Variants in TPH1 observed in about 807,000 individuals in gnomAD.
TPH1 encodes tryptophan 5-hydroxylase 1.
In TPH1, 37 loss-of-function variants were observed where a neutral mutation model predicts 49.5. The ratio of observed to expected loss-of-function variants is 0.75; its 90% CI spans 0.58 to 0.98. TPH1 has a LOEUF of 0.98. Among genes scored for constraint, TPH1 ranks in the 50% least tolerant of loss-of-function variants. TPH1 has a pLI of 0.00. For missense variants in TPH1, 487 were observed against 523.6 expected, an observed-to-expected ratio of 0.93 and a Z score of 0.68; for synonymous variants, 160 against 182.1, an observed-to-expected ratio of 0.88 and a Z score of 0.98.
chr11:18,020,017 G>C lies in TPH1; in HGVS notation c.*974C>G, dbSNP rs774209888. 4.2e-6 allele frequency: 1 copy of C among 236,690 alleles called. No individual in the cohort carries two copies. The highest frequency in any genetic ancestry group is 2.3e-5 in the African/African-American group (1 of 43,256). The allele number at this position is 236,690 out of a possible 1,614,324, so 14.7% of individuals were successfully genotyped here. A position where few individuals can be genotyped will look rare whatever the true frequency, so the allele number is the denominator to read the frequency against. On this transcript the variant is annotated 3_prime_UTR_variant, in exon 11 of 11. Transcript: ENST00000682019. Reference sequence around the variant, plus strand: ...TTATACCTTAGAAATAAAGTACTCAGCACTGTTTTTTCTATCTTTTACTTT... The same window carrying C: ...TTATACCTTAGAAATAAAGTACTCACCACTGTTTTTTCTATCTTTTACTTT...
In TPH1 at chr11:18,018,122, G is replaced by A. The variant is rs1434692771; in HGVS notation, c.*2869C>T. On this transcript the variant is annotated 3_prime_UTR_variant, in exon 11 of 11. Transcript: ENST00000682019. ...CACGCCTGCAGTCCCAGGTTGCAGC[G>A]AGCTGAAATCACGCAACTGCGCTCC... 3.3e-5 allele frequency: 5 copies of A among 151,684 alleles called. No individual in the cohort carries two copies. The highest frequency in any genetic ancestry group is 5.9e-5 in the Non-Finnish European group (4 of 67,968). 9.4% of individuals were successfully genotyped at this position (151,684 alleles called of 1,614,324 possible).
intron 6 of TPH1, among the ~76,000 whole-genome samples, chr11:18,027,413 A>G (rs1238066222): frequency 1.3e-5 from 2 of 152,248 alleles, no homozygotes; most frequent in Non-Finnish European, 2.9e-5. Context: ...ACTACTAGCC[A>G]CATGTAGCCA....
chr11:18,023,169 T>C (rs1480990504), intron 9 of TPH1: 5 of 491,058 alleles, frequency 1.0e-5, no homozygotes, highest in Non-Finnish European at 1.8e-5. Flanking sequence ...CCTCTCTTCT[T>C]TGTGTAAAAG....
At chr11:18,029,437 C>A in intron 5 of TPH1, 75 bp downstream of exon 5, 1 of 1,554,202 alleles carries the variant, frequency 6.4e-7, no homozygotes. Context: ...TTTCTACTTA[C>A]CAAATGAACA....
intron 1 of TPH1, among the ~76,000 whole-genome samples, chr11:18,045,018 C>T (rs1046286262): frequency 6.6e-6 from 1 of 152,212 alleles, no homozygotes; most frequent in Non-Finnish European, 1.5e-5. Context: ...AGAAGATCAA[C>T]AGACCCGACC....
chr11:18,025,483 T>G, intron 8 of TPH1, 92 bp downstream of exon 8: 1 of 1,582,312 alleles, frequency 6.3e-7, no homozygotes, highest in Admixed American at 1.7e-5. Flanking sequence ...AGACAAATTT[T>G]CTAATGGTCA....
intron 6 of TPH1, 36 bp downstream of exon 6, chr11:18,029,129 A>G (rs748683968): frequency 1.5e-6 from 2 of 1,310,482 alleles, no homozygotes; most frequent in South Asian, 2.4e-5. Context: ...AACAGAGTTC[A>G]GCAACTCCCT....
intron 2 of TPH1, among the ~76,000 whole-genome samples, chr11:18,037,854 A>C (rs1379158292): frequency 6.6e-6 from 1 of 152,234 alleles, no homozygotes; most frequent in African/African-American, 2.4e-5. Flanking sequence ...GGCCAGAAGC[A>C]CACAGGTGAC....
intron 1 of TPH1, among the ~76,000 whole-genome samples, chr11:18,044,417 G>A (rs913735762): frequency 4.0e-5 from 6 of 151,796 alleles, no homozygotes; most frequent in Non-Finnish European, 7.4e-5. Context: ...GCAAGACTGC[G>A]TCTCAAAAAA....
Position 18,026,507 on chromosome 11 carries a change from G to A in TPH1, c.786C>T (p.Pro262=), listed in dbSNP as rs766209804. ...GTACTTACGGCTCTGGGGTATAGAA[G>A]GGATCTGAACTGTGTCTCACATATT... ...CTQYVRHSSD[P]FYTPEPDTCH... Residue 262 remains proline, a synonymous_variant, in exon 7 of 11, where the codon CCC becomes CCT. Transcript: ENST00000682019. The A allele has an allele frequency of 1.1e-5, 18 of 1,613,316 alleles. No homozygotes were observed. Among genetic ancestry groups the A allele is most frequent in the Admixed American group, 1.7e-5 (1 of 59,932 alleles).
chr11:18,023,096 CA>C, intron 9 of TPH1, 165 bp from the exon 10 acceptor site: 185 of 704,494 alleles, frequency 2.6e-4, no homozygotes, highest in Non-Finnish European at 3.1e-4. Flanking sequence ...TACACTCCAG[CA>C]AAAAAAATGG....
chr11:18,033,208 G>A (rs534473577), intron 4 of TPH1, 66 bp downstream of exon 4: 41 of 1,225,194 alleles, frequency 3.3e-5, no homozygotes, highest in Admixed American at 5.1e-5. Flanking sequence ...AGCCGAGATC[G>A]TGCCACTGCA....
chr11:18,045,379 G>C (rs1476827121), intron 1 of TPH1, among the ~76,000 whole-genome samples: 1 of 152,116 alleles, frequency 6.6e-6, no homozygotes, highest in Non-Finnish European at 1.5e-5. Flanking sequence ...TCCCTATCTG[G>C]AGATAATCTA....
At chr11:18,023,488 C>A (rs1854386860) in intron 9 of TPH1, among the ~76,000 whole-genome samples, 1 of 152,080 alleles carries the variant, frequency 6.6e-6, no homozygotes. Context: ...TTAAAATATA[C>A]ACATACCATT....
At position 18,045,475 on chromosome 11, in the gene TPH1, C is replaced by A. The variant is rs72874096; in HGVS notation, c.-27+766G>T. Among the ~76,000 whole-genome samples, 95 of 109,114 alleles carry A rather than the reference C, an allele frequency of 8.7e-4. 1 individual carries two copies. Among genetic ancestry groups the A allele is most frequent in the Middle Eastern group, 4.3e-3 (1 of 232 alleles). 71.6% of individuals were successfully genotyped at this position (109,114 alleles called of 152,430 possible). Reference sequence around the variant, plus strand: ...CAGAAACATTGATATTAGAATTCCACCCCCCCCTTTTTTTTTTAACTAACA... The same window carrying A: ...CAGAAACATTGATATTAGAATTCCAACCCCCCCTTTTTTTTTTAACTAACA... On this transcript the variant is annotated intron_variant, in intron 1 of 10. Transcript: ENST00000682019.
intron 1 of TPH1, among the ~76,000 whole-genome samples, chr11:18,041,846 G>A (rs1227587613): frequency 1.3e-5 from 2 of 152,098 alleles, no homozygotes; most frequent in African/African-American, 2.4e-5. Flanking sequence ...ATGGTAAAAC[G>A]AATAAAATTT....
At position 18,020,870 on chromosome 11, in the gene TPH1, A is replaced by G; in HGVS notation, c.*121T>C. The G allele has an allele frequency of 1.1e-6, 1 of 901,530 alleles. No homozygotes were observed. The highest frequency in any genetic ancestry group is 1.8e-6 in the Non-Finnish European group (1 of 543,236). 55.8% of individuals were successfully genotyped at this position (901,530 alleles called of 1,614,324 possible). A position where few individuals can be genotyped will look rare whatever the true frequency, so the allele number is the denominator to read the frequency against. On this transcript the variant is annotated 3_prime_UTR_variant, in exon 11 of 11. Transcript: ENST00000682019. ...AGACTAGTGATTCCTTAAGTAGTGG[A>G]ATTCGATAATATTGTTTGGCCAGAA...
Position 18,040,689 on chromosome 11 carries a change from T to A in TPH1, c.74A>T (p.Lys25Met). ...TTTTATAAGTCCTCCAACTTCATTC[T>A]TTAAGGAAAAAATGAGACTTGCTCT... ...RGRASLIFSL[K>M]NEVGGLIKAL... The change falls in exon 2 of 11, where the codon AAG becomes ATG. Residue 25 changes from lysine to methionine, a missense_variant. Coordinates refer to ENST00000682019, the MANE Select transcript of TPH1 (RefSeq NM_004179.3). 1 of 1,612,700 alleles carries A rather than the reference T, an allele frequency of 6.2e-7. No individual in the cohort carries two copies.
rs759366942 is a variant in TPH1, at chr11:18,020,066, T to G, written c.*925A>C. 3 of 221,328 alleles carry G rather than the reference T, an allele frequency of 1.4e-5. No individual in the cohort carries two copies. Among genetic ancestry groups the G allele is most frequent in the Non-Finnish European group, 2.7e-5 (3 of 110,982 alleles). 13.7% of individuals were successfully genotyped at this position (221,328 alleles called of 1,614,324 possible). ...TTGTGCTTCTCTTATCTATCTCAGT[T>G]TGAACTCTTCCTTTGATAACAATGC... On this transcript the variant is annotated 3_prime_UTR_variant, in exon 11 of 11. Transcript: ENST00000682019.
Sources: gnomAD v4.1 joint callset for allele counts (sites outside exome capture counted in the v4.1 genomes callset) on GRCh38, gnomAD v4.1.1 for gene constraint, MANE v1.5 for transcripts, NCBI Gene and HGNC (gene_info 2026-07-23, HGNC 2026-07-21) for gene names.